The following TCEA3 variants were observed in gnomAD, a reference collection of about 807,000 sequenced individuals.
TCEA3 encodes the protein transcription elongation factor A protein 3.
In TCEA3, 36 loss-of-function variants were observed where a neutral mutation model predicts 44.0. That is an observed-to-expected ratio of 0.82 (90% CI 0.63 to 1.08). TCEA3 has a LOEUF of 1.08. TCEA3 is among the 50% of genes least tolerant of loss of function. The pLI is 0.00. For synonymous variants in TCEA3, 162 were observed against 159.7 expected (o/e 1.01, Z -0.11); for missense variants, 392 against 441.2 (o/e 0.89, Z 1.00).
At chr1:23,398,058 A>G in intron 5 of TCEA3, 103 bp from the exon 6 acceptor site, 1 of 1,377,954 alleles carries the variant, frequency 7.3e-7, no homozygotes, top group Non-Finnish European at 1.0e-6. Context: ...TAATCCTCAT[A>G]ACAACCTCAT....
rs771802461 is a variant in TCEA3 at position 23,393,901 on chromosome 1, A to T, written c.797T>A (p.Leu266His). Reference protein sequence around the residue: ...NVLSGAISAGLIAKMTAEEMA... With the variant: ...NVLSGAISAGHIAKMTAEEMA... ...CACCTCTGCCGTCATCTTGGCTATA[A>T]GCCCTGCGGAGATGGCCCCACTGAG... is the stretch of plus-strand genomic sequence containing the variant. The change falls in exon 8 of 11, where the codon CTT becomes CAT. Residue 266 changes from leucine (L) to histidine (H), a missense_variant. By Grantham distance (99) the Leu-to-His change is moderately conservative. Transcript: ENST00000450454. The T allele has an allele frequency of 6.2e-7, 1 of 1,613,742 alleles. No individual in the cohort carries two copies. The highest frequency in any genetic ancestry group is 1.1e-5 in the South Asian group (1 of 91,078).
At chr1:23,388,199 C>CTT (rs148219602) in intron 8 of TCEA3, among the ~76,000 whole-genome samples, 2,680 of 138,588 alleles carry the variant, frequency 0.019, 104 homozygotes, top group African/African-American at 0.066. Flanking sequence ...GGATTTTAAA[C>CTT]TTTTTTTTTT....
intron 3 of TCEA3, 37 bp from the exon 4 acceptor site, chr1:23,417,427 C>T (rs750242692): frequency 1.9e-6 from 3 of 1,602,834 alleles, no homozygotes; most frequent in Non-Finnish European, 2.6e-6. Context: ...CTCAGCTAAG[C>T]TCTGTCTCAG....
chr1:23,415,095 C>T (rs1158070273), intron 4 of TCEA3, among the ~76,000 whole-genome samples: 4 of 140,680 alleles, frequency 2.8e-5, no homozygotes, highest in Non-Finnish European at 6.1e-5. Context: ...GGGATCTCAG[C>T]TCACTGCAAC....
At chr1:23,384,122 C>A in intron 10 of TCEA3, 1 of 1,361,556 alleles carries the variant, frequency 7.3e-7, no homozygotes, top group Admixed American at 3.2e-5. Context: ...GGCTGCTGCC[C>A]CCACCCCAGC....
At chr1:23,391,509 G>T (rs1330518143) in intron 8 of TCEA3, among the ~76,000 whole-genome samples, 11 of 152,122 alleles carry the variant, frequency 7.2e-5, no homozygotes, top group Admixed American at 1.3e-4. Context: ...ATAGGGGCCT[G>T]AGAAAGACCC....
At chr1:23,412,242 A>C (rs1639733389) in intron 4 of TCEA3, 1 of 152,082 alleles carries the variant, frequency 6.6e-6, no homozygotes, top group Non-Finnish European at 1.5e-5. Context: ...AAAAATTCAA[A>C]TACTGTTTTA....
chr1:23,392,587 T>TACACACACACTCCACACGTCATACAC (rs1639087117), intron 8 of TCEA3, among the ~76,000 whole-genome samples: 1 of 38,430 alleles, frequency 2.6e-5, no homozygotes, highest in South Asian at 8.1e-4. Context: ...CCACACATCA[T>TACACACACACTCCACACGTCATACAC]ACACACACAC....
intron 1 of TCEA3, among the ~76,000 whole-genome samples, chr1:23,420,720 CAG>C (rs1640037576): frequency 6.6e-6 from 1 of 152,192 alleles, no homozygotes; most frequent in South Asian, 2.1e-4. Flanking sequence ...TAGGGCTCAG[CAG>C]AGAGTCCAGT....
At chr1:23,407,605 G>A (rs1346915772) in intron 5 of TCEA3, among the ~76,000 whole-genome samples, 4 of 151,932 alleles carry the variant, frequency 2.6e-5, no homozygotes, top group South Asian at 2.1e-4. Flanking sequence ...TCACTTCCTC[G>A]ATGAGGACTT....
chr1:23,397,252 G>T lies in TCEA3; in HGVS notation c.664+293C>A, dbSNP rs1639242760. 3.3e-5 allele frequency among the ~76,000 whole-genome samples: 5 copies of T among 152,238 alleles called. No homozygotes were observed. In the South Asian group the frequency reaches 8.3e-4, roughly 25 times the overall value. On this transcript the variant is annotated intron_variant, in intron 7 of 10. Transcript: ENST00000450454. ...GTTAGCTGTATGGGCTTTGGGAAATGATTTGACCTCTCTGAGTCTTAGTGA... is the reference window on the plus strand; with the variant it reads ...GTTAGCTGTATGGGCTTTGGGAAATTATTTGACCTCTCTGAGTCTTAGTGA...
At chr1:23,401,628 A>G (rs926588979) in intron 5 of TCEA3, among the ~76,000 whole-genome samples, 2 of 152,144 alleles carry the variant, frequency 1.3e-5, no homozygotes. Flanking sequence ...AACAGTCACA[A>G]TAGCCCCAAA....
intron 8 of TCEA3, among the ~76,000 whole-genome samples, chr1:23,390,115 AC>A (rs1638976056): frequency 6.6e-6 from 1 of 152,152 alleles, no homozygotes; most frequent in Admixed American, 6.5e-5. Context: ...AGAAGCTAGT[AC>A]TTTAACCAGT....
intron 2 of TCEA3, 139 bp from the exon 3 acceptor site, chr1:23,418,148 C>G (rs1410376418): frequency 2.5e-6 from 2 of 796,930 alleles, no homozygotes; most frequent in Non-Finnish European, 4.1e-6. Flanking sequence ...TGACTCCTGG[C>G]TGAGGTCAGA....
intron 4 of TCEA3, among the ~76,000 whole-genome samples, chr1:23,414,239 G>C (rs1287099415): frequency 6.6e-6 from 1 of 151,618 alleles, no homozygotes; most frequent in East Asian, 1.9e-4. Context: ...TTACAGGCAT[G>C]TACCACCATG....
At chr1:23,406,904 GA>G (rs2148570321) in intron 5 of TCEA3, among the ~76,000 whole-genome samples, 1 of 152,302 alleles carries the variant, frequency 6.6e-6, no homozygotes, top group South Asian at 2.1e-4. Flanking sequence ...TTACCGGCAT[GA>G]GCCACCGCAC....
chr1:23,404,807 T>A (rs967608951), intron 5 of TCEA3, among the ~76,000 whole-genome samples: 3 of 151,852 alleles, frequency 2.0e-5, no homozygotes, highest in East Asian at 1.9e-4. Flanking sequence ...AAAAAAAAAT[T>A]TTTTTTAAGT....
intron 5 of TCEA3, among the ~76,000 whole-genome samples, chr1:23,398,530 C>A (rs1639287348): frequency 6.6e-6 from 1 of 152,200 alleles, no homozygotes; most frequent in African/African-American, 2.4e-5. Flanking sequence ...TGACTATCTA[C>A]CACCATTTAA....
chr1:23,423,874 CT>C (rs746578960), intron 1 of TCEA3: 2 of 455,904 alleles, frequency 4.4e-6, no homozygotes, highest in Non-Finnish European at 8.8e-6. Context: ...GCCGAGCCCG[CT>C]CCTCCCTCCG....
Sources: gnomAD v4.1 joint callset for allele counts (sites outside exome capture counted in the v4.1 genomes callset) on GRCh38, gnomAD v4.1.1 for gene constraint, MANE v1.5 for transcripts, NCBI Gene and HGNC (gene_info 2026-07-23, HGNC 2026-07-21) for gene names.